Variants in PCDHA9 observed in about 807,000 individuals in gnomAD.
PCDHA9 encodes the protein protocadherin alpha 9, also known as protocadherin alpha-9.
PCDHA9 carries 62 observed loss-of-function variants against 62.0 expected under a neutral mutation model. The ratio of observed to expected loss-of-function variants is 1.00; its 90% CI spans 0.81 to 1.23. PCDHA9 has a LOEUF of 1.23. PCDHA9 is among the 50% of genes most tolerant of loss of function. The probability of loss-of-function intolerance (pLI) is 0.00; values close to 1 mark genes in which losing one functional copy is unlikely to be tolerated. For missense variants in PCDHA9, 1,205 were observed against 1,249.8 expected, an observed-to-expected ratio of 0.96 and a Z score of 0.54; for synonymous variants, 557 against 567.6, an observed-to-expected ratio of 0.98 and a Z score of 0.27.
chr5:140,983,711 G>C (rs2097062291), intron 3 of PCDHA9, among the ~76,000 whole-genome samples: 1 of 152,202 alleles, frequency 6.6e-6, no homozygotes, highest in Non-Finnish European at 1.5e-5. Context: ...AGTATATCTA[G>C]CACTTATATT....
rs920860677 is a variant in PCDHA9, at chr5:140,985,387, C to T, written c.2542+2824C>T. Among the ~76,000 whole-genome samples the T allele has an allele frequency of 3.0e-4, 45 of 152,272 alleles. 1 individual carries two copies. Among genetic ancestry groups the T allele is most frequent in the African/African-American group, 9.9e-4 (41 of 41,542 alleles). On this transcript the variant is annotated intron_variant, in intron 3 of 3. Transcript: ENST00000532602. ...GTTATCTGGGTCTATATAATCCAGTCACCCCAACTGTTCCCCTGGAAATGG... is the reference window on the plus strand; with the variant it reads ...GTTATCTGGGTCTATATAATCCAGTTACCCCAACTGTTCCCCTGGAAATGG...
intron 1 of PCDHA9, chr5:140,967,384 G>A (rs1422023127): frequency 2.5e-6 from 4 of 1,609,080 alleles, no homozygotes; most frequent in Non-Finnish European, 3.4e-6. Flanking sequence ...ACAGTAAAGT[G>A]CTTGAGCTGG....
chr5:140,859,311 T>C (rs1441323923), intron 1 of PCDHA9: 1 of 128,808 alleles, frequency 7.8e-6, no homozygotes, highest in Non-Finnish European at 1.8e-5. Flanking sequence ...GAATTAATAT[T>C]AAAAGTTTGA....
chr5:140,966,894 A>C, intron 1 of PCDHA9: 1 of 1,596,438 alleles, frequency 6.3e-7, no homozygotes, highest in African/African-American at 1.3e-5. Flanking sequence ...GCGGCCTCCC[A>C]GCTGCGATAC....
intron 1 of PCDHA9, among the ~76,000 whole-genome samples, chr5:140,919,511 G>A (rs782614998): frequency 1.3e-5 from 2 of 151,848 alleles, no homozygotes; most frequent in Non-Finnish European, 2.9e-5. Flanking sequence ...TTTTCTATAT[G>A]TTTTAATTCT....
intron 1 of PCDHA9, chr5:140,882,876 A>G (rs1554175925): frequency 6.2e-7 from 1 of 1,614,238 alleles, no homozygotes. Flanking sequence ...CTGGACAGAG[A>G]GGAAATTCAG....
At chr5:140,861,503 C>T in intron 1 of PCDHA9, 3 of 478,536 alleles carry the variant, frequency 6.3e-6, no homozygotes, top group South Asian at 4.8e-5. Flanking sequence ...TGATAGACCT[C>T]GAGGAGCTGT....
At chr5:140,855,043 A>G (rs1177113480) in intron 1 of PCDHA9, among the ~76,000 whole-genome samples, 1 of 150,018 alleles carries the variant, frequency 6.7e-6, no homozygotes, top group African/African-American at 2.4e-5. Flanking sequence ...TTTTTCTGTA[A>G]TAGTACTTTT....
At chr5:140,862,533 G>C in intron 1 of PCDHA9, 1 of 435,668 alleles carries the variant, frequency 2.3e-6, no homozygotes, top group Non-Finnish European at 4.6e-6. Context: ...ACAGCCATCG[G>C]GTCCGTGGAA....
chr5:140,883,679 G>T (rs781987468), intron 1 of PCDHA9: 1 of 1,613,678 alleles, frequency 6.2e-7, no homozygotes, highest in Non-Finnish European at 8.5e-7. Flanking sequence ...CAATCCGCCG[G>T]GCTGCCACAT....
rs2150461736 is a variant in PCDHA9 at position 140,849,988 on chromosome 5, G to T, written c.1493G>T (p.Arg498Leu). The change falls in exon 1 of 4, where the codon CGG (arginine) becomes CTG (leucine). Residue 498 changes from arginine to leucine, a missense_variant. Arg to Leu is a moderately radical substitution (Grantham distance 102, BLOSUM62 -2). This residue lies in a region of PCDHA9 where 887 missense variants were observed against 809.5 expected (regional missense o/e 1.10). Coordinates refer to ENST00000532602, the MANE Select transcript of PCDHA9 (RefSeq NM_031857.2). The part of the protein sequence containing the change: ...ALVSYSLVER[R>L]LGERSLSSYV... ...GTGTCCTACTCGCTGGTGGAGCGGC[G>T]GTTGGGCGAGCGCTCGCTGTCGAGC... The T allele has an allele frequency of 6.3e-7, 1 of 1,597,248 alleles. No homozygotes were observed. Among genetic ancestry groups the T allele is most frequent in the Non-Finnish European group, 8.6e-7 (1 of 1,167,882 alleles).
At chr5:140,967,624 G>C (rs950749188) in intron 1 of PCDHA9, 1 of 1,614,158 alleles carries the variant, frequency 6.2e-7, no homozygotes, top group Non-Finnish European at 8.5e-7. Flanking sequence ...ACCCGGATGA[G>C]GGCTCCAATG....
At chr5:140,932,538 T>C (rs538830618) in intron 1 of PCDHA9, among the ~76,000 whole-genome samples, 1 of 152,036 alleles carries the variant, frequency 6.6e-6, no homozygotes, top group South Asian at 2.1e-4. Context: ...CAAGGTGCTT[T>C]ATTTAACATA....
At position 140,927,034 on chromosome 5, in the gene PCDHA9, G is replaced by A. The variant is rs782732545; in HGVS notation, c.2395-51915G>A. ...CTCCGCGGACTTGAGGCTGCCAGCG[G>A]CCGCTATGTCCTCGCGGAACTTTCG... On this transcript the variant is annotated intron_variant, in intron 1 of 3. Coordinates refer to ENST00000532602, the MANE Select transcript of PCDHA9 (RefSeq NM_031857.2). 6 of 1,612,400 alleles carry A rather than the reference G, an allele frequency of 3.7e-6. No individual in the cohort carries two copies. The East Asian group carries it at 8.9e-5, about 24-fold the overall frequency.
At chr5:140,992,517 G>C (rs78765218) in intron 3 of PCDHA9, among the ~76,000 whole-genome samples, 388 of 152,300 alleles carry the variant, frequency 2.5e-3, no homozygotes, top group African/African-American at 8.8e-3. Flanking sequence ...GGGCATGGTA[G>C]CTAATGGAAA....
intron 1 of PCDHA9, chr5:140,968,123 C>T (rs782499744): frequency 1.1e-5 from 17 of 1,614,058 alleles, no homozygotes; most frequent in Admixed American, 3.3e-5. Context: ...CACATCCCTG[C>T]GTACACTGAA....
chr5:140,882,331 C>A, intron 1 of PCDHA9: 1 of 1,614,214 alleles, frequency 6.2e-7, no homozygotes, highest in South Asian at 1.1e-5. Context: ...TTCTGATCCT[C>A]GCAGCCTGGG....
intron 1 of PCDHA9, among the ~76,000 whole-genome samples, chr5:140,950,472 T>C (rs782525513): frequency 2.0e-5 from 3 of 152,084 alleles, no homozygotes; most frequent in East Asian, 1.9e-4. Context: ...TCATAGTTTC[T>C]GATGAGAAGT....
At chr5:141,008,108 T>C (rs2098361480) in intron 3 of PCDHA9, among the ~76,000 whole-genome samples, 1 of 152,138 alleles carries the variant, frequency 6.6e-6, no homozygotes, top group Non-Finnish European at 1.5e-5. Flanking sequence ...CTCATGAGAA[T>C]AAGTGTTTCA....
Sources: gnomAD v4.1 joint callset for allele counts (sites outside exome capture counted in the v4.1 genomes callset) on GRCh38, gnomAD v4.1.1 for gene constraint, gnomAD v4.1.1 regional missense constraint, MANE v1.5 for transcripts, NCBI Gene and HGNC (gene_info 2026-07-23, HGNC 2026-07-21) for gene names.